The following CAMKMT variants were observed in gnomAD, a reference collection of about 807,000 sequenced individuals.
CAMKMT encodes CaM KMT.
A neutral mutation model predicts 48.0 loss-of-function variants in CAMKMT; 53 were observed. That is an observed-to-expected ratio of 1.10 (90% CI 0.89 to 1.39). The LOEUF (loss-of-function observed/expected upper bound fraction) is 1.39. Ranked by LOEUF, CAMKMT falls within the 40% of genes most tolerant of loss-of-function variation. The pLI, the probability that CAMKMT is intolerant of heterozygous loss-of-function variation, is 0.00. For missense variants in CAMKMT, 428 were observed against 402.7 expected, an observed-to-expected ratio of 1.06 and a Z score of -0.54; for synonymous variants, 165 against 152.3, an observed-to-expected ratio of 1.08 and a Z score of -0.61.
At chr2:44,515,743 A>G (rs1294918998) in intron 3 of CAMKMT, among the ~76,000 whole-genome samples, 2 of 152,232 alleles carry the variant, frequency 1.3e-5, no homozygotes, top group African/African-American at 4.8e-5. Context: ...ATGGAAGCTT[A>G]GGTGAGAAGA....
intron 3 of CAMKMT, among the ~76,000 whole-genome samples, chr2:44,610,133 A>C (rs941762081): frequency 6.6e-6 from 1 of 152,152 alleles, no homozygotes; most frequent in Non-Finnish European, 1.5e-5. Flanking sequence ...TGAATATAGA[A>C]ATGTGTTCAT....
In CAMKMT at chr2:44,621,266, C is replaced by CA. The variant is rs10667154; in HGVS notation, c.377-82998dup. Among the ~76,000 whole-genome samples, 416 of 84,394 alleles carry CA rather than the reference C, an allele frequency of 4.9e-3. 19 individuals carry two copies. The highest frequency in any genetic ancestry group is 8.0e-3 in the East Asian group (20 of 2,508). 55.4% of individuals were successfully genotyped at this position (84,394 alleles called of 152,430 possible). A position where few individuals can be genotyped will look rare whatever the true frequency, so the allele number is the denominator to read the frequency against. ...TGGGCGACAGAGCGAGACTCCATCT[C>CA]AAAAAAAAAAAAAAAAAAAGCATAA... On this transcript the variant is annotated intron_variant, in intron 3 of 10. Coordinates refer to ENST00000378494, the MANE Select transcript of CAMKMT (RefSeq NM_024766.5).
rs200267296 is a variant in CAMKMT, at chr2:44,437,912, CTA to C, written c.376+47609_376+47610del. 7.7e-3 allele frequency among the ~76,000 whole-genome samples: 1,157 copies of C among 149,660 alleles called. 9 individuals are homozygous for C. Among genetic ancestry groups the C allele is most frequent in the Non-Finnish European group, 0.012 (793 of 67,566 alleles). On this transcript the variant is annotated intron_variant, in intron 3 of 10. Coordinates refer to ENST00000378494, the MANE Select transcript of CAMKMT (RefSeq NM_024766.5). ...TACTACCTTCTCTGAGTCTTCTTTT[CTA>C]TGTTTGCTCCTCCAGAGATCCACCA... is the stretch of plus-strand genomic sequence containing the variant.
At chr2:44,596,233 C>T (rs970853098) in intron 3 of CAMKMT, among the ~76,000 whole-genome samples, 5 of 151,760 alleles carry the variant, frequency 3.3e-5, no homozygotes, top group African/African-American at 9.7e-5. Flanking sequence ...TGGATCACTT[C>T]AGGTCAGGAG....
At chr2:44,689,330 G>A (rs1014764121) in intron 3 of CAMKMT, among the ~76,000 whole-genome samples, 4 of 146,686 alleles carry the variant, frequency 2.7e-5, no homozygotes, top group Non-Finnish European at 6.0e-5. Context: ...GGAGAGTCTC[G>A]CTCTGTTGCC....
chr2:44,707,498 C>T, intron 6 of CAMKMT, 36 bp downstream of exon 6: 1 of 1,566,834 alleles, frequency 6.4e-7, no homozygotes, highest in Non-Finnish European at 8.7e-7. Flanking sequence ...GTTTGTTGTG[C>T]TCATTCCTTT....
intron 7 of CAMKMT, among the ~76,000 whole-genome samples, chr2:44,738,709 C>T (rs965052044): frequency 6.6e-6 from 1 of 152,012 alleles, no homozygotes; most frequent in Non-Finnish European, 1.5e-5. Context: ...GAAACAAAAT[C>T]AATAATTTAG....
chr2:44,410,317 C>T (rs569359767), intron 3 of CAMKMT, among the ~76,000 whole-genome samples: 5 of 68,782 alleles, frequency 7.3e-5, no homozygotes, highest in African/African-American at 2.0e-4. Context: ...AGTGCAGTGG[C>T]GCGATCTTGG....
chr2:44,480,474 C>T (rs1383761011), intron 3 of CAMKMT, among the ~76,000 whole-genome samples: 1 of 152,126 alleles, frequency 6.6e-6, no homozygotes, highest in Non-Finnish European at 1.5e-5. Flanking sequence ...TTTTTTGGTT[C>T]AAGTCAAAAT....
chr2:44,445,321 T>G (rs915936867), intron 3 of CAMKMT, among the ~76,000 whole-genome samples: 1 of 152,024 alleles, frequency 6.6e-6, no homozygotes, highest in African/African-American at 2.4e-5. Context: ...ACTTCCTTCT[T>G]TCCCTCACAT....
At chr2:44,582,691 C>T (rs913059990) in intron 3 of CAMKMT, among the ~76,000 whole-genome samples, 2 of 152,166 alleles carry the variant, frequency 1.3e-5, no homozygotes, top group African/African-American at 2.4e-5. Context: ...AGTGACTGAT[C>T]TCTTACCCAA....
At chr2:44,405,403 G>C (rs923502958) in intron 3 of CAMKMT, among the ~76,000 whole-genome samples, 2 of 152,014 alleles carry the variant, frequency 1.3e-5, no homozygotes, top group Non-Finnish European at 2.9e-5. Flanking sequence ...ATTCTGGAGG[G>C]ATGTCCAAGA....
chr2:44,443,495 G>A lies in CAMKMT; in HGVS notation c.376+53190G>A, dbSNP rs375671407. On this transcript the variant is annotated intron_variant, in intron 3 of 10. Transcript: ENST00000378494. ...GAAGAACTACTTAGCATTTTCTTGG[G>A]GGTGAAGTGCTTAGTTTTGGAATTT... 3.3e-5 allele frequency among the ~76,000 whole-genome samples: 5 copies of A among 152,098 alleles called. No homozygotes were observed. The East Asian group carries it at 9.7e-4, about 29-fold the overall frequency.
chr2:44,642,344 GAAAT>G (rs1038028946), intron 3 of CAMKMT, among the ~76,000 whole-genome samples: 1 of 152,192 alleles, frequency 6.6e-6, no homozygotes, highest in African/African-American at 2.4e-5. Context: ...CTGGTAGAAA[GAAAT>G]AAAGTGCCCT....
At chr2:44,646,778 A>C (rs1256700586) in intron 3 of CAMKMT, among the ~76,000 whole-genome samples, 1 of 152,176 alleles carries the variant, frequency 6.6e-6, no homozygotes. Context: ...CTTAGTGAGA[A>C]GCCAAAGACT....
At chr2:44,412,139 C>T (rs189057913) in intron 3 of CAMKMT, among the ~76,000 whole-genome samples, 5 of 151,988 alleles carry the variant, frequency 3.3e-5, no homozygotes, top group East Asian at 3.9e-4. Flanking sequence ...GCTTGTCACG[C>T]GCATTACGTT....
rs1390713872 is a variant in CAMKMT, at chr2:44,761,349, A to C, written c.763-5081A>C. The stretch of plus-strand genomic sequence containing the variant: ...CTGACTAGAGCCCAAGATGTGTATG[A>C]GGGAGTGGCAGGAGACCAGGCTGCG... On this transcript the variant is annotated intron_variant, in intron 9 of 10. Coordinates refer to ENST00000378494, the MANE Select transcript of CAMKMT (RefSeq NM_024766.5). Among the ~76,000 whole-genome samples, 4 of 152,156 alleles carry C rather than the reference A, an allele frequency of 2.6e-5. 1 individual carries two copies. The highest frequency in any genetic ancestry group is 2.0e-4 in the Admixed American group (3 of 15,290).
chr2:44,443,679 G>A (rs917583294), intron 3 of CAMKMT, among the ~76,000 whole-genome samples: 4 of 152,140 alleles, frequency 2.6e-5, no homozygotes, highest in Non-Finnish European at 5.9e-5. Flanking sequence ...AGGGCTGGCT[G>A]GCTGTGACAT....
At chr2:44,573,188 G>A (rs1461096334) in intron 3 of CAMKMT, among the ~76,000 whole-genome samples, 1 of 152,026 alleles carries the variant, frequency 6.6e-6, no homozygotes, top group Non-Finnish European at 1.5e-5. Context: ...GCTGCTATTA[G>A]TAATAGTAAT....
Sources: allele counts gnomAD v4.1 joint callset (sites outside exome capture counted in the v4.1 genomes callset), GRCh38; gene constraint gnomAD v4.1.1; transcripts MANE v1.5; gene names NCBI Gene and HGNC (gene_info 2026-07-23, HGNC 2026-07-21).